The following COL21A1 variants were observed in gnomAD, a reference collection of about 807,000 sequenced individuals.
The protein encoded by COL21A1 is collagen alpha-1(XXI) chain.
A neutral mutation model predicts 137.9 loss-of-function variants in COL21A1; 149 were observed. The observed-to-expected ratio is 1.08, with a 90% CI of 0.95 to 1.24. The LOEUF is 1.24. Ranked by LOEUF, COL21A1 falls within the 50% of genes most tolerant of loss-of-function variation. The pLI is 0.00. For missense variants in COL21A1, 1,167 were observed against 1,158.4 expected (o/e 1.01, Z -0.11); for synonymous variants, 456 against 391.5 (o/e 1.16, Z -1.95).
intron 1 of COL21A1, among the ~76,000 whole-genome samples, chr6:56,274,865 T>C (rs530660645): frequency 7.9e-5 from 12 of 151,966 alleles, no homozygotes; most frequent in African/African-American, 2.9e-4. Context: ...AAAACTATTC[T>C]AAAATTCATA....
chr6:56,291,981 C>G (rs1162020470), intron 1 of COL21A1, among the ~76,000 whole-genome samples: 1 of 152,022 alleles, frequency 6.6e-6, no homozygotes, highest in Non-Finnish European at 1.5e-5. Flanking sequence ...CCAGCCTGGC[C>G]AACGTAGTGA....
chr6:56,149,359 T>C (rs915082180), intron 10 of COL21A1, among the ~76,000 whole-genome samples: 1 of 152,088 alleles, frequency 6.6e-6, no homozygotes, highest in Non-Finnish European at 1.5e-5. Flanking sequence ...AAAAACAAAA[T>C]TATAAACCAG....
At chr6:56,202,513 A>G (rs1468418108) in intron 1 of COL21A1, among the ~76,000 whole-genome samples, 3 of 152,156 alleles carry the variant, frequency 2.0e-5, no homozygotes, top group African/African-American at 4.8e-5. Flanking sequence ...GTTTAATTCG[A>G]TCTTTTTCTA....
At chr6:56,276,436 C>A (rs1763655761) in intron 1 of COL21A1, 4 of 585,324 alleles carry the variant, frequency 6.8e-6, no homozygotes, top group Non-Finnish European at 1.2e-5. Flanking sequence ...TTTTTAAAGT[C>A]AACAAAAGTC....
At chr6:56,272,130 C>A (rs1052515105) in intron 1 of COL21A1, among the ~76,000 whole-genome samples, 5 of 152,172 alleles carry the variant, frequency 3.3e-5, no homozygotes, top group African/African-American at 1.2e-4. Flanking sequence ...AAAGGTAGAT[C>A]CACTGACAGC....
intron 1 of COL21A1, among the ~76,000 whole-genome samples, chr6:56,274,751 G>A: frequency 6.6e-6 from 1 of 152,224 alleles, no homozygotes; most frequent in South Asian, 2.1e-4. Context: ...AATATTCCAT[G>A]CCTATGGATT....
intron 1 of COL21A1, among the ~76,000 whole-genome samples, chr6:56,346,690 T>C (rs1264406010): frequency 6.6e-6 from 1 of 152,156 alleles, no homozygotes; most frequent in Non-Finnish European, 1.5e-5. Flanking sequence ...TAAAACAGTG[T>C]GTACTGGCCT....
At chr6:56,126,813 T>C (rs548186853) in intron 12 of COL21A1, among the ~76,000 whole-genome samples, 3 of 152,178 alleles carry the variant, frequency 2.0e-5, no homozygotes, top group Non-Finnish European at 4.4e-5. Flanking sequence ...ATGACTTTCA[T>C]GGCAAAATTT....
At position 56,168,193 on chromosome 6, in the gene COL21A1, T is replaced by C; in HGVS notation, c.1131A>G (p.Pro377=). Residue 377 remains proline (P), a synonymous_variant, in exon 6 of 30, where the codon CCA becomes CCG. Transcript: ENST00000244728. Reference sequence around the variant, plus strand: ...GCCCATTGATCAAGATCCCTAAAACTGGATGTAAGGGCTTGTTTTCAATTT... The same window carrying C: ...GCCCATTGATCAAGATCCCTAAAACCGGATGTAAGGGCTTGTTTTCAATTT... ...DQQIENKPLH[P]VLGILINGQT... 1 of 1,562,632 alleles carries C rather than the reference T, an allele frequency of 6.4e-7. No individual in the cohort carries two copies. The highest frequency in any genetic ancestry group is 8.7e-7 in the Non-Finnish European group (1 of 1,151,004).
intron 1 of COL21A1, among the ~76,000 whole-genome samples, chr6:56,355,392 C>A (rs1765806706): frequency 6.6e-6 from 1 of 150,850 alleles, no homozygotes; most frequent in Non-Finnish European, 1.5e-5. Flanking sequence ...ACCAGTTTTT[C>A]AGTGAGGAAA....
chr6:56,286,229 T>C (rs1274704966), intron 1 of COL21A1, among the ~76,000 whole-genome samples: 1 of 152,216 alleles, frequency 6.6e-6, no homozygotes, highest in Non-Finnish European at 1.5e-5. Flanking sequence ...GAAAGGTCAG[T>C]TTGATACTAA....
intron 1 of COL21A1, among the ~76,000 whole-genome samples, chr6:56,209,810 T>C (rs1780041144): frequency 6.6e-6 from 1 of 152,286 alleles, no homozygotes; most frequent in Admixed American, 6.5e-5. Context: ...CATTCTACTA[T>C]AAAGACTCAT....
intron 1 of COL21A1, among the ~76,000 whole-genome samples, chr6:56,295,381 C>T (rs4432980): frequency 0.84 from 128,139 of 151,966 alleles, 56,014 homozygotes; most frequent in South Asian, 0.97. Context: ...CCAGCTATGT[C>T]GACCTGCTGA....
intron 1 of COL21A1, among the ~76,000 whole-genome samples, chr6:56,383,661 A>G (rs2094012542): frequency 6.6e-6 from 1 of 152,184 alleles, no homozygotes; most frequent in Non-Finnish European, 1.5e-5. Flanking sequence ...CAGAAGCACC[A>G]CCCAGAGGGC....
At chr6:56,234,420 A>G (rs150408616) in intron 1 of COL21A1, among the ~76,000 whole-genome samples, 1 of 151,966 alleles carries the variant, frequency 6.6e-6, no homozygotes, top group East Asian at 1.9e-4. Context: ...TTCCTAAGAA[A>G]TAAGTTATGA....
chr6:56,270,365 T>C (rs1763498101), intron 1 of COL21A1, among the ~76,000 whole-genome samples: 1 of 152,214 alleles, frequency 6.6e-6, no homozygotes, highest in South Asian at 2.1e-4. Context: ...CAAGAAGACT[T>C]AACTGTTGTA....
intron 16 of COL21A1, among the ~76,000 whole-genome samples, chr6:56,102,837 T>G (rs1378398040): frequency 6.6e-6 from 1 of 152,112 alleles, no homozygotes; most frequent in Non-Finnish European, 1.5e-5. Flanking sequence ...TAAACACTAG[T>G]TGAGAATAGA....
chr6:56,363,335 T>C (rs1442388393), intron 1 of COL21A1, among the ~76,000 whole-genome samples: 1 of 152,214 alleles, frequency 6.6e-6, no homozygotes, highest in African/African-American at 2.4e-5. Context: ...ATCGTCTATT[T>C]TAATCTGCAC....
At chr6:56,345,963 T>C (rs1765588736) in intron 1 of COL21A1, among the ~76,000 whole-genome samples, 1 of 152,230 alleles carries the variant, frequency 6.6e-6, no homozygotes, top group Non-Finnish European at 1.5e-5. Context: ...ACCATTCACT[T>C]TTCAACACTT....
Sources: gnomAD v4.1 joint callset for allele counts (sites outside exome capture counted in the v4.1 genomes callset) on GRCh38, gnomAD v4.1.1 for gene constraint, MANE v1.5 for transcripts, NCBI Gene and HGNC (gene_info 2026-07-23, HGNC 2026-07-21) for gene names.